Variants in KCTD16 observed in about 807,000 individuals in gnomAD.
KCTD16 encodes BTB/POZ domain-containing protein KCTD16.
Under a neutral mutation model 33.2 loss-of-function variants are expected in KCTD16, and 13 were observed. That is an observed-to-expected ratio of 0.39 (90% CI 0.25 to 0.62). KCTD16 has a LOEUF of 0.62. Ranked by LOEUF, KCTD16 falls within the 20% of genes least tolerant of loss-of-function variation. KCTD16 has a pLI of 0.50. For missense variants in KCTD16, 441 were observed against 525.1 expected (o/e 0.84, Z 1.57); for synonymous variants, 197 against 195.3 (o/e 1.01, Z -0.07).
intron 3 of KCTD16, among the ~76,000 whole-genome samples, chr5:144,238,200 A>G (rs1754306331): frequency 6.6e-6 from 1 of 152,186 alleles, no homozygotes; most frequent in South Asian, 2.1e-4. Context: ...AGGTAAGAGC[A>G]AATATCAACA....
rs755837408 is a variant in KCTD16, at chr5:144,206,739, CGTT to C, written c.26_28del (p.Arg9_Tyr10delinsHis). On this transcript the variant is annotated inframe_deletion, in exon 3 of 4. Transcript: ENST00000512467. ...AATGGCTCTGAGTGGAAACTGTAGT[CGTT>C]ATTATCCTCGAGAACAAGGGTCCGC... The C allele has an allele frequency of 5.0e-6, 8 of 1,613,466 alleles. No individual in the cohort carries two copies. In the Admixed American group the frequency reaches 1.2e-4, roughly 24 times the overall value.
intron 3 of KCTD16, among the ~76,000 whole-genome samples, chr5:144,328,562 G>T (rs866363843): frequency 6.6e-6 from 1 of 151,046 alleles, no homozygotes; most frequent in Non-Finnish European, 1.5e-5. Flanking sequence ...GTATTCCTGC[G>T]AAATTAAGTG....
chr5:144,407,370 A>ATT lies in KCTD16; in HGVS notation c.833-66280_833-66279dup, dbSNP rs534557684. Among the ~76,000 whole-genome samples, 794 of 146,144 alleles carry ATT rather than the reference A, an allele frequency of 5.4e-3. 5 individuals are homozygous for ATT. Among genetic ancestry groups the ATT allele is most frequent in the African/African-American group, 0.019 (760 of 40,172 alleles). On this transcript the variant is annotated intron_variant, in intron 3 of 3. Transcript: ENST00000512467. Reference sequence around the variant, plus strand: ...AAAGTTTGGGGGTTTGAGTGACTGTATTTTTTTTTTTGATTTGAAAAAACT... The same window carrying ATT: ...AAAGTTTGGGGGTTTGAGTGACTGTATTTTTTTTTTTTTGATTTGAAAAAACT...
Position 144,199,013 on chromosome 5 carries a change from G to T in KCTD16, c.-326-7376G>T, listed in dbSNP as rs1038363522. 4.5e-4 allele frequency among the ~76,000 whole-genome samples: 68 copies of T among 152,162 alleles called. 1 individual carries two copies. The highest frequency in any genetic ancestry group is 3.1e-3 in the Admixed American group (48 of 15,288). On this transcript the variant is annotated intron_variant, in intron 2 of 3. Coordinates refer to ENST00000512467, the MANE Select transcript of KCTD16 (RefSeq NM_020768.4). ...TTTTAAAACTCTATTTCCTTAAGTT[G>T]CTTCAGGGTATTCCACAAATTCCAT...
intron 3 of KCTD16, among the ~76,000 whole-genome samples, chr5:144,268,299 T>C (rs1755201563): frequency 6.6e-6 from 1 of 152,182 alleles, no homozygotes; most frequent in South Asian, 2.1e-4. Context: ...TAGGCAGCAA[T>C]ATTTGCTACA....
rs568416080 is a variant in KCTD16 at position 144,227,114 on chromosome 5, G to A, written c.832+19568G>A. Among the ~76,000 whole-genome samples the A allele has an allele frequency of 9.2e-5, 14 of 152,144 alleles. No homozygotes were observed. The South Asian group carries it at 2.1e-3, about 23-fold the overall frequency. On this transcript the variant is annotated intron_variant, in intron 3 of 3. Coordinates refer to ENST00000512467, the MANE Select transcript of KCTD16 (RefSeq NM_020768.4). ...ATGTATACATGTGTCTGGAGAGATG[G>A]ATAATAAACAGCATAAATAAACAAA...
intron 3 of KCTD16, among the ~76,000 whole-genome samples, chr5:144,253,441 G>T (rs997315747): frequency 6.6e-6 from 1 of 152,138 alleles, no homozygotes; most frequent in Non-Finnish European, 1.5e-5. Context: ...ATGATGCCAA[G>T]AATTGTTACT....
intron 3 of KCTD16, among the ~76,000 whole-genome samples, chr5:144,209,653 A>G (rs1753303812): frequency 6.6e-6 from 1 of 151,582 alleles, no homozygotes; most frequent in South Asian, 2.1e-4. Context: ...GTGCCTATAT[A>G]AGCATTAATT....
At chr5:144,409,179 T>TGGCC (rs1230228763) in intron 3 of KCTD16, among the ~76,000 whole-genome samples, 1 of 152,204 alleles carries the variant, frequency 6.6e-6, no homozygotes, top group African/African-American at 2.4e-5. Context: ...CTGAACAGAG[T>TGGCC]TAGTTCCTAG....
At chr5:144,434,057 C>A (rs1451041892) in intron 3 of KCTD16, among the ~76,000 whole-genome samples, 1 of 152,174 alleles carries the variant, frequency 6.6e-6, no homozygotes, top group African/African-American at 2.4e-5. Context: ...TTCCCACTTC[C>A]TAGCACACTG....
chr5:144,287,050 T>A, intron 3 of KCTD16, among the ~76,000 whole-genome samples: 1 of 152,166 alleles, frequency 6.6e-6, no homozygotes, highest in East Asian at 1.9e-4. Context: ...TTAGGGGAAA[T>A]GCCTGTGAGA....
At chr5:144,455,905 G>A (rs368538268) in intron 3 of KCTD16, among the ~76,000 whole-genome samples, 3 of 152,146 alleles carry the variant, frequency 2.0e-5, no homozygotes, top group African/African-American at 4.8e-5. Flanking sequence ...TGAACACTGT[G>A]CCCAGTATTT....
chr5:144,430,812 G>A (rs1007410563), intron 3 of KCTD16, among the ~76,000 whole-genome samples: 8 of 151,620 alleles, frequency 5.3e-5, no homozygotes, highest in Non-Finnish European at 1.2e-4. Context: ...CCAAACAGAA[G>A]GTCTCTCAAT....
intron 3 of KCTD16, among the ~76,000 whole-genome samples, chr5:144,409,526 A>C (rs532669442): frequency 6.6e-6 from 1 of 152,114 alleles, no homozygotes; most frequent in African/African-American, 2.4e-5. Flanking sequence ...CTCTGCCCTC[A>C]AGGCTCTTAT....
chr5:144,425,566 A>G (rs1421058779), intron 3 of KCTD16, among the ~76,000 whole-genome samples: 2 of 152,044 alleles, frequency 1.3e-5, no homozygotes, highest in African/African-American at 4.8e-5. Flanking sequence ...TGTGAAATCT[A>G]GGTGGAGGTA....
chr5:144,467,850 C>T (rs1268246425), intron 3 of KCTD16, among the ~76,000 whole-genome samples: 1 of 152,084 alleles, frequency 6.6e-6, no homozygotes, highest in African/African-American at 2.4e-5. Flanking sequence ...CCAAACACAC[C>T]CCTTTATACT....
intron 3 of KCTD16, among the ~76,000 whole-genome samples, chr5:144,448,033 CT>C (rs903323166): frequency 1.8e-4 from 27 of 150,780 alleles, no homozygotes; most frequent in Non-Finnish European, 2.8e-4. Flanking sequence ...TGATCTGGCT[CT>C]TTTCTGCTCC....
chr5:144,396,119 C>T (rs1752562592), intron 3 of KCTD16, among the ~76,000 whole-genome samples: 1 of 152,076 alleles, frequency 6.6e-6, no homozygotes, highest in Non-Finnish European at 1.5e-5. Flanking sequence ...AATGGGAAAT[C>T]AGACCCATTT....
chr5:144,309,639 C>A (rs961001789), intron 3 of KCTD16, among the ~76,000 whole-genome samples: 1 of 152,086 alleles, frequency 6.6e-6, no homozygotes, highest in East Asian at 1.9e-4. Context: ...ATACAGATGG[C>A]AGAATAGACC....
Sources: gnomAD v4.1 joint callset for allele counts (sites outside exome capture counted in the v4.1 genomes callset) on GRCh38, gnomAD v4.1.1 for gene constraint, MANE v1.5 for transcripts, NCBI Gene and HGNC (gene_info 2026-07-23, HGNC 2026-07-21) for gene names.